Variants in SHOC1 observed in about 807,000 individuals in gnomAD.
The protein encoded by SHOC1 is shortage in chiasmata 1, also known as protein shortage in chiasmata 1 ortholog.
In SHOC1, 136 loss-of-function variants were observed where a neutral mutation model predicts 179.2. That is an observed-to-expected ratio of 0.76 (90% CI 0.66 to 0.87). The LOEUF is 0.87. Among genes scored for constraint, SHOC1 ranks in the 40% least tolerant of loss-of-function variants. The pLI, the probability that SHOC1 is intolerant of heterozygous loss-of-function variation, is 0.00. For synonymous variants in SHOC1, 489 were observed against 586.6 expected (o/e 0.83, Z 2.41); for missense variants, 1,538 against 1,700.8 (o/e 0.90, Z 1.68).
intron 1 of SHOC1, among the ~76,000 whole-genome samples, chr9:111,794,550 C>T (rs916224692): frequency 6.6e-5 from 10 of 152,132 alleles, no homozygotes; most frequent in Non-Finnish European, 1.3e-4. Flanking sequence ...TGCCACTGCA[C>T]GCCAGCCTGG....
At chr9:111,688,104 G>A (rs2131298271) in intron 27 of SHOC1, among the ~76,000 whole-genome samples, 1 of 152,216 alleles carries the variant, frequency 6.6e-6, no homozygotes, top group East Asian at 1.9e-4. Context: ...TCTGGTAAAC[G>A]TTTAACAACC....
intron 8 of SHOC1, 71 bp downstream of exon 8, chr9:111,756,254 A>G: frequency 7.9e-7 from 1 of 1,259,618 alleles, no homozygotes; most frequent in South Asian, 2.2e-5. Context: ...AAATTTTAAT[A>G]AACAAGAACC....
intron 10 of SHOC1, among the ~76,000 whole-genome samples, 173 bp from the exon 11 acceptor site, chr9:111,741,743 T>G (rs1490532060): frequency 6.6e-6 from 1 of 152,132 alleles, no homozygotes; most frequent in Non-Finnish European, 1.5e-5. Flanking sequence ...GCGATTTTCC[T>G]GTCTCAGGCT....
intron 6 of SHOC1, 116 bp downstream of exon 6, chr9:111,758,579 A>C: frequency 4.5e-6 from 4 of 879,878 alleles, no homozygotes; most frequent in Non-Finnish European, 5.1e-6. Flanking sequence ...ACAGAGCAAG[A>C]CTCATCTCAA....
intron 27 of SHOC1, among the ~76,000 whole-genome samples, chr9:111,688,207 T>A (rs994125007): frequency 1.3e-5 from 2 of 152,202 alleles, no homozygotes; most frequent in African/African-American, 4.8e-5. Context: ...GCTACCAATG[T>A]GATAGAAACA....
At chr9:111,749,601 G>C (rs1834470553) in intron 8 of SHOC1, among the ~76,000 whole-genome samples, 1 of 152,054 alleles carries the variant, frequency 6.6e-6, no homozygotes. Flanking sequence ...GTGGTTTGCT[G>C]CACAGATCAT....
chr9:111,721,563 C>A (rs1190602864), intron 15 of SHOC1, among the ~76,000 whole-genome samples: 1 of 152,202 alleles, frequency 6.6e-6, no homozygotes, highest in Non-Finnish European at 1.5e-5. Flanking sequence ...TGGTCTCGAA[C>A]TCCTGACCTC....
chr9:111,766,133 A>C (rs913355416), intron 5 of SHOC1, among the ~76,000 whole-genome samples: 1 of 152,046 alleles, frequency 6.6e-6, no homozygotes, highest in African/African-American at 2.4e-5. Flanking sequence ...TAGCTCCCAC[A>C]TGAGTGAGAA....
At position 111,775,154 on chromosome 9, in the gene SHOC1, C is replaced by T. The variant is rs138086082; in HGVS notation, c.442+637G>A. Among the ~76,000 whole-genome samples the T allele has an allele frequency of 6.5e-3, 988 of 152,160 alleles. 8 individuals carry two copies. Among genetic ancestry groups the T allele is most frequent in the Non-Finnish European group, 0.011 (760 of 68,006 alleles). On this transcript the variant is annotated intron_variant, in intron 5 of 27. Coordinates refer to ENST00000682961, the MANE Select transcript of SHOC1 (RefSeq NM_001378211.1). ...GGATTACAGGTGCCTGCCACCATGC[C>T]TGGCTAATTTTTGTATTTTGAGTAG... is the stretch of plus-strand genomic sequence containing the variant.
Position 111,694,320 on chromosome 9 carries a change from G to A in SHOC1, c.3226C>T (p.Arg1076Ter), listed in dbSNP as rs1338838841. ...PGVEATALII[R>*]QIADHSLMTS... The stretch of plus-strand genomic sequence containing the variant: ...ATTAAACTGTGGTCAGCAATTTGTC[G>A]AATTATCAAGGCAGTTGCTTCTACT... The change falls in exon 25 of 28, where the codon CGA becomes TGA. Residue 1076 changes from arginine to a stop codon, truncating the protein, a stop_gained. Coordinates refer to ENST00000682961, the MANE Select transcript of SHOC1 (RefSeq NM_001378211.1). LOFTEE classifies it high-confidence loss of function. The A allele has an allele frequency of 3.7e-6, 6 of 1,610,650 alleles. No homozygotes were observed. Among genetic ancestry groups the A allele is most frequent in the African/African-American group, 1.3e-5 (1 of 74,950 alleles).
chr9:111,780,847 T>G (rs1836009949), intron 4 of SHOC1, 83 bp downstream of exon 4: 1 of 918,166 alleles, frequency 1.1e-6, no homozygotes, highest in South Asian at 1.6e-5. Flanking sequence ...AAGGAAGAGA[T>G]TTTCCCTCTT....
In SHOC1 at chr9:111,686,871, C is replaced by A; in HGVS notation, c.4427-1G>T. The A allele has an allele frequency of 6.2e-7, 1 of 1,601,576 alleles. No homozygotes were observed. The highest frequency in any genetic ancestry group is 1.1e-5 in the South Asian group (1 of 90,600). On this transcript the variant is annotated splice_acceptor_variant, in intron 27 of 27. Transcript: ENST00000682961. LOFTEE classifies it high-confidence loss of function. ...TGTGGTAGTTGTGAGCACATAAAACCTGTTAAAAGGAGAAAAAGGAAAACC... is the reference window on the plus strand; with the variant it reads ...TGTGGTAGTTGTGAGCACATAAAACATGTTAAAAGGAGAAAAAGGAAAACC...
Position 111,702,200 on chromosome 9 carries a change from C to T in SHOC1, c.2994G>A (p.Lys998=). 2 of 1,470,966 alleles carry T rather than the reference C, an allele frequency of 1.4e-6. No individual in the cohort carries two copies. The highest frequency in any genetic ancestry group is 1.4e-5 in the African/African-American group (1 of 71,522). 91.1% of individuals were successfully genotyped at this position (1,470,966 alleles called of 1,614,324 possible). The part of the protein sequence containing the change: ...LQDLEELNYE[K]ASDNIIMRLM... ...GCCTCATAATGATATTGTCTGATGC[C>T]TTCTCATAATTCAATTCTTCTAGAT... The change falls in exon 23 of 28, where the codon AAG becomes AAA. Residue 998 remains lysine, a synonymous_variant. Coordinates refer to ENST00000682961, the MANE Select transcript of SHOC1 (RefSeq NM_001378211.1).
intron 1 of SHOC1, among the ~76,000 whole-genome samples, chr9:111,793,075 G>C (rs1352429332): frequency 6.6e-6 from 1 of 152,008 alleles, no homozygotes; most frequent in Non-Finnish European, 1.5e-5. Context: ...GTAGAGACAG[G>C]GTTTCACCGT....
chr9:111,780,896 T>C, intron 4 of SHOC1, 34 bp downstream of exon 4: 1 of 1,441,976 alleles, frequency 6.9e-7, no homozygotes, highest in South Asian at 1.2e-5. Context: ...TTCTACTAGA[T>C]GTAAAAGAGA....
intron 18 of SHOC1, among the ~76,000 whole-genome samples, chr9:111,711,258 C>G (rs1476845287): frequency 6.6e-6 from 1 of 152,194 alleles, no homozygotes; most frequent in African/African-American, 2.4e-5. Context: ...ACCCCTTCTT[C>G]AAGCCTAAAG....
chr9:111,771,791 G>A (rs1835619371), intron 5 of SHOC1, among the ~76,000 whole-genome samples: 1 of 152,036 alleles, frequency 6.6e-6, no homozygotes, highest in South Asian at 2.1e-4. Context: ...AGAAGAATTG[G>A]AGGTCCTTTA....
At chr9:111,775,712 TCAAA>T (rs1479009895) in intron 5 of SHOC1, 75 bp downstream of exon 5, 7 of 1,305,748 alleles carry the variant, frequency 5.4e-6, no homozygotes, top group African/African-American at 3.1e-5. Flanking sequence ...TTTATTCAAC[TCAAA>T]CAAAAAACTC....
At chr9:111,737,517 G>A (rs1013735707) in intron 12 of SHOC1, among the ~76,000 whole-genome samples, 9 of 151,688 alleles carry the variant, frequency 5.9e-5, no homozygotes, top group South Asian at 2.1e-4. Context: ...AAATAGTGGC[G>A]GGCATGGTGG....
Sources: allele counts gnomAD v4.1 joint callset (sites outside exome capture counted in the v4.1 genomes callset), GRCh38; gene constraint gnomAD v4.1.1; transcripts MANE v1.5; gene names NCBI Gene and HGNC (gene_info 2026-07-23, HGNC 2026-07-21).